The following DCAF17 variants were observed in gnomAD, a reference collection of about 807,000 sequenced individuals.
The protein encoded by DCAF17 is DDB1 and CUL4 associated factor 17.
DCAF17 carries 48 observed loss-of-function variants against 66.0 expected under a neutral mutation model. That is an observed-to-expected ratio of 0.73 (90% CI 0.58 to 0.92). DCAF17 has a LOEUF of 0.92. Ranked by LOEUF, DCAF17 falls within the 40% of genes least tolerant of loss-of-function variation. The pLI is 0.00. For synonymous variants in DCAF17, 206 were observed against 214.6 expected, an observed-to-expected ratio of 0.96 and a Z score of 0.35; for missense variants, 562 against 622.8, an observed-to-expected ratio of 0.90 and a Z score of 1.04.
intron 11 of DCAF17, 141 bp downstream of exon 11, chr2:171,477,091 G>T: frequency 1.5e-6 from 1 of 671,040 alleles, no homozygotes; most frequent in Non-Finnish European, 2.6e-6. Context: ...GTCTACATGG[G>T]TAGCCAGTTT....
At position 171,440,419 on chromosome 2, in the gene DCAF17, A is replaced by G. The variant is rs965451239; in HGVS notation, c.231-3104A>G. Among the ~76,000 whole-genome samples, 4 of 152,116 alleles carry G rather than the reference A, an allele frequency of 2.6e-5. No homozygotes were observed. The East Asian group carries it at 5.8e-4, about 22-fold the overall frequency. On this transcript the variant is annotated intron_variant, in intron 2 of 13. Coordinates refer to ENST00000375255, the MANE Select transcript of DCAF17 (RefSeq NM_025000.4). ...GCAAAACCCCATCTCTACAAAAAAT[A>G]TCAACATTAGCTGGGCATGGTGGCA...
Position 171,473,883 on chromosome 2 carries a change from A to G in DCAF17, c.999A>G (p.Gln333=), listed in dbSNP as rs3731983. The G allele has an allele frequency of 0.21, 333,863 of 1,612,106 alleles. 36,200 individuals are homozygous for G. Among genetic ancestry groups the G allele is most frequent in the Admixed American group, 0.33 (19,719 of 59,928 alleles). Residue 333 remains glutamine, a synonymous_variant, in exon 10 of 14, where the codon CAA becomes CAG. Coordinates refer to ENST00000375255, the MANE Select transcript of DCAF17 (RefSeq NM_025000.4). ...KDNSLAKNGI[Q]EMDCCSLESD... ...AACTTCAGGCAAAAAATGGGATCCA[A>G]GAAATGGATTGTTGTTCTCTAGAAT...
chr2:171,482,729 A>G lies in DCAF17; in HGVS notation c.*1615A>G, dbSNP rs892580918. 7.1e-5 allele frequency: 32 copies of G among 452,022 alleles called. No homozygotes were observed. Among genetic ancestry groups the G allele is most frequent in the African/African-American group, 5.4e-4 (27 of 49,638 alleles). The allele number at this position is 452,022 out of a possible 1,614,324, so 28.0% of individuals were successfully genotyped here. ...TCCTTTAAGTCATCACCTTCCTTTT[A>G]TGAAATGATAGTAAGGAACTCGTCT... On this transcript the variant is annotated 3_prime_UTR_variant, in exon 14 of 14. Coordinates refer to ENST00000375255, the MANE Select transcript of DCAF17 (RefSeq NM_025000.4).
intron 3 of DCAF17, among the ~76,000 whole-genome samples, chr2:171,445,375 T>C (rs939422766): frequency 6.6e-6 from 1 of 152,154 alleles, no homozygotes; most frequent in African/African-American, 2.4e-5. Context: ...TCCACCCTCC[T>C]TGGACTCCCA....
At chr2:171,449,362 CTT>C (rs1398727032) in intron 4 of DCAF17, among the ~76,000 whole-genome samples, 1 of 151,660 alleles carries the variant, frequency 6.6e-6, no homozygotes, top group East Asian at 1.9e-4. Flanking sequence ...TTTAAATAAA[CTT>C]AAAAAAAAAA....
intron 2 of DCAF17, among the ~76,000 whole-genome samples, chr2:171,436,899 C>T (rs1406960656): frequency 6.6e-6 from 1 of 151,832 alleles, no homozygotes; most frequent in Non-Finnish European, 1.5e-5. Context: ...CTCAGCCTCC[C>T]GAGTAGCTGG....
intron 8 of DCAF17, among the ~76,000 whole-genome samples, chr2:171,461,779 C>T (rs1458013591): frequency 6.6e-6 from 1 of 152,116 alleles, no homozygotes; most frequent in African/African-American, 2.4e-5. Context: ...TTTCATCATC[C>T]CAAAAAGTTC....
Position 171,440,739 on chromosome 2 carries a change from C to G in DCAF17, c.231-2784C>G, listed in dbSNP as rs1190057064. 2.0e-5 allele frequency among the ~76,000 whole-genome samples: 3 copies of G among 152,020 alleles called. No homozygotes were observed. In the East Asian group the frequency reaches 5.8e-4, roughly 29 times the overall value. On this transcript the variant is annotated intron_variant, in intron 2 of 13. Transcript: ENST00000375255. ...CTCTAGTGTGCTTATTTTTGTCTCC[C>G]CCATTGTTGGCTCCAGTGGCTTGTT...
intron 8 of DCAF17, among the ~76,000 whole-genome samples, chr2:171,462,022 G>C (rs910683405): frequency 1.3e-5 from 2 of 152,114 alleles, no homozygotes; most frequent in African/African-American, 4.8e-5. Flanking sequence ...AATATATTAT[G>C]AGTATTTCCA....
At position 171,484,637 on chromosome 2, in the gene DCAF17, A is replaced by T; in HGVS notation, c.*3523A>T. 1 of 453,440 alleles carries T rather than the reference A, an allele frequency of 2.2e-6. No homozygotes were observed. The highest frequency in any genetic ancestry group is 4.4e-6 in the Non-Finnish European group (1 of 226,596). The allele number at this position is 453,440 out of a possible 1,614,324, so 28.1% of individuals were successfully genotyped here. A position where few individuals can be genotyped will look rare whatever the true frequency, so the allele number is the denominator to read the frequency against. ...TAAAATGTACAAATCTTAAGTATAA[A>T]TTTACTGAGTTCTTGCAGACATATA... On this transcript the variant is annotated 3_prime_UTR_variant, in exon 14 of 14. Coordinates refer to ENST00000375255, the MANE Select transcript of DCAF17 (RefSeq NM_025000.4).
At position 171,473,833 on chromosome 2, in the gene DCAF17, A is replaced by G. The variant is rs1189440817; in HGVS notation, c.982-33A>G. 11 of 1,538,082 alleles carry G rather than the reference A, an allele frequency of 7.2e-6. No individual in the cohort carries two copies. The Admixed American group carries it at 1.2e-4, about 17-fold the overall frequency. ...TGTAAAATCATTTGATTTTCCCTTA[A>G]TCTTTGTCTTTAATACTTTTTTCCA... On this transcript the variant is annotated intron_variant, in intron 9 of 13. Transcript: ENST00000375255.
intron 3 of DCAF17, 124 bp downstream of exon 3, chr2:171,443,737 C>T (rs979049058): frequency 1.4e-6 from 1 of 737,622 alleles, no homozygotes; most frequent in African/African-American, 1.8e-5. Context: ...ATCTTTAAAG[C>T]AATCAAGATG....
intron 9 of DCAF17, among the ~76,000 whole-genome samples, chr2:171,470,171 G>T (rs1171713888): frequency 6.6e-6 from 1 of 151,994 alleles, no homozygotes. Context: ...CTATAGGAGC[G>T]CACCACCATG....
intron 2 of DCAF17, among the ~76,000 whole-genome samples, chr2:171,442,340 C>T (rs1398115808): frequency 2.0e-5 from 3 of 152,062 alleles, no homozygotes; most frequent in Non-Finnish European, 4.4e-5. Flanking sequence ...AGGCAGATCA[C>T]GTGGTCAGGA....
At chr2:171,437,949 C>T (rs1694065297) in intron 2 of DCAF17, among the ~76,000 whole-genome samples, 2 of 152,190 alleles carry the variant, frequency 1.3e-5, no homozygotes, top group South Asian at 4.1e-4. Flanking sequence ...AAGGTAGAAA[C>T]TTAGATTACG....
intron 10 of DCAF17, among the ~76,000 whole-genome samples, chr2:171,475,017 C>A (rs1414950040): frequency 6.6e-6 from 1 of 152,200 alleles, no homozygotes; most frequent in Non-Finnish European, 1.5e-5. Context: ...AATGCTTTAA[C>A]CTTTTAATGG....
Position 171,434,664 on chromosome 2 carries a change from G to C in DCAF17, c.87G>C (p.Gln29His), listed in dbSNP as rs556269367. The change falls in exon 1 of 14, where the codon CAG becomes CAC. Residue 29 changes from glutamine to histidine, a missense_variant. Coordinates refer to ENST00000375255, the MANE Select transcript of DCAF17 (RefSeq NM_025000.4). ...TCTCGCGCGACGCAGGCGTGGTGCA[G>C]AGGACCAACCTGGGCATCCTGCGGG... ...GCFSRDAGVV[Q>H]RTNLGILRAL... 1 of 1,530,174 alleles carries C rather than the reference G, an allele frequency of 6.5e-7. No individual in the cohort carries two copies. The highest frequency in any genetic ancestry group is 8.7e-7 in the Non-Finnish European group (1 of 1,147,318). 94.8% of individuals were successfully genotyped at this position (1,530,174 alleles called of 1,614,324 possible). A position where few individuals can be genotyped will look rare whatever the true frequency, so the allele number is the denominator to read the frequency against.
intron 6 of DCAF17, among the ~76,000 whole-genome samples, chr2:171,457,676 A>G (rs1422342262): frequency 6.6e-6 from 1 of 152,168 alleles, no homozygotes; most frequent in Non-Finnish European, 1.5e-5. Flanking sequence ...TGAGGAATGG[A>G]ATTTGTTATT....
intron 8 of DCAF17, among the ~76,000 whole-genome samples, chr2:171,461,743 A>G (rs571316654): frequency 6.6e-6 from 1 of 152,342 alleles, no homozygotes; most frequent in Non-Finnish European, 1.5e-5. Flanking sequence ...CCATGAAATC[A>G]CCACTACAGT....
Sources: allele counts gnomAD v4.1 joint callset (sites outside exome capture counted in the v4.1 genomes callset), GRCh38; gene constraint gnomAD v4.1.1; transcripts MANE v1.5; gene names NCBI Gene and HGNC (gene_info 2026-07-23, HGNC 2026-07-21).